SCMH1: variants seen among roughly 807,000 people sequenced by gnomAD.
SCMH1 encodes the protein Scm polycomb group protein homolog 1.
In SCMH1, 37 loss-of-function variants were observed where a neutral mutation model predicts 70.8. That is an observed-to-expected ratio of 0.52 (90% CI 0.40 to 0.69). SCMH1 has a LOEUF of 0.69. Ranked by LOEUF, SCMH1 falls within the 30% of genes least tolerant of loss-of-function variation. The pLI, the probability that SCMH1 is intolerant of heterozygous loss-of-function variation, is 0.00. For synonymous variants in SCMH1, 292 were observed against 307.4 expected (o/e 0.95, Z 0.52); for missense variants, 607 against 827.3 (o/e 0.73, Z 3.27).
At chr1:41,080,608 G>A (rs183511244) in intron 8 of SCMH1, among the ~76,000 whole-genome samples, 138 of 152,050 alleles carry the variant, frequency 9.1e-4, no homozygotes, top group African/African-American at 3.2e-3. Flanking sequence ...GAAATACAAA[G>A]GTTAACAATG....
At chr1:41,147,356 C>G (rs1644678257) in intron 5 of SCMH1, among the ~76,000 whole-genome samples, 1 of 152,170 alleles carries the variant, frequency 6.6e-6, no homozygotes, top group Non-Finnish European at 1.5e-5. Context: ...TTTAGTCTTT[C>G]ACCATTAAGT....
intron 1 of SCMH1, among the ~76,000 whole-genome samples, chr1:41,239,173 C>T (rs1011424775): frequency 2.0e-5 from 3 of 152,184 alleles, no homozygotes; most frequent in African/African-American, 4.8e-5. Flanking sequence ...AGGTCCACCA[C>T]GACATGGCCT....
intron 2 of SCMH1, among the ~76,000 whole-genome samples, chr1:41,164,722 G>GT (rs1424633192): frequency 1.3e-5 from 2 of 151,988 alleles, no homozygotes; most frequent in Non-Finnish European, 2.9e-5. Flanking sequence ...AACCTTGCAA[G>GT]TATCCCCTTT....
intron 4 of SCMH1, among the ~76,000 whole-genome samples, chr1:41,154,548 C>T (rs1332222973): frequency 6.6e-6 from 1 of 152,158 alleles, no homozygotes; most frequent in Non-Finnish European, 1.5e-5. Flanking sequence ...CAAGGTAAGA[C>T]ATGATTTCTC....
intron 1 of SCMH1, among the ~76,000 whole-genome samples, chr1:41,195,986 T>A (rs1227870733): frequency 6.6e-6 from 1 of 151,946 alleles, no homozygotes; most frequent in Non-Finnish European, 1.5e-5. Context: ...GAATAAAATA[T>A]TTAGGAATAA....
chr1:41,077,970 C>G (rs899681632), intron 8 of SCMH1, among the ~76,000 whole-genome samples: 1 of 151,916 alleles, frequency 6.6e-6, no homozygotes, highest in Admixed American at 6.6e-5. Context: ...AACAAACAAA[C>G]AGATTTTTTA....
rs1292248331 is a variant in SCMH1 at position 41,217,592 on chromosome 1, A to G, written c.-118+24467T>C. On this transcript the variant is annotated intron_variant, in intron 1 of 14. Transcript: ENST00000337495. The stretch of plus-strand genomic sequence containing the variant: ...TATGTAGCAAAGATATGTGGAGAAC[A>G]TTCTTGTTAGATGGATTGGACCTGC... Among the ~76,000 whole-genome samples the G allele has an allele frequency of 3.3e-5, 5 of 152,360 alleles. No individual in the cohort carries two copies. The East Asian group carries it at 9.6e-4, about 29-fold the overall frequency.
At chr1:41,205,913 G>A (rs1293916895) in intron 1 of SCMH1, among the ~76,000 whole-genome samples, 3 of 152,328 alleles carry the variant, frequency 2.0e-5, no homozygotes, top group East Asian at 1.9e-4. Context: ...AAGGTCTGGA[G>A]TGGACCTCCA....
chr1:41,073,218 C>T (rs546201403), intron 9 of SCMH1, among the ~76,000 whole-genome samples: 8 of 152,284 alleles, frequency 5.3e-5, no homozygotes, highest in Admixed American at 3.9e-4. Flanking sequence ...TGATGAAACA[C>T]CTCTAGTTAT....
chr1:41,167,334 CTTG>C (rs1023605229), intron 2 of SCMH1, among the ~76,000 whole-genome samples: 16 of 152,012 alleles, frequency 1.1e-4, no homozygotes, highest in Non-Finnish European at 2.9e-5. Flanking sequence ...GTCTTCTTCT[CTTG>C]TTGTATCTTT....
In SCMH1 at chr1:41,058,378, G is replaced by GTTT. The variant is rs548733204; in HGVS notation, c.1106-9491_1106-9489dup. Among the ~76,000 whole-genome samples, 664 of 81,560 alleles carry GTTT rather than the reference G, an allele frequency of 8.1e-3. 135 individuals carry two copies. The highest frequency in any genetic ancestry group is 0.015 in the African/African-American group (304 of 19,752). 53.5% of individuals were successfully genotyped at this position (81,560 alleles called of 152,430 possible). ...TTAGTATTTATACATTTTCTTTCTT[G>GTTT]TTTTTTTTTTTTTTTTTTTTTTGAG... On this transcript the variant is annotated intron_variant, in intron 10 of 14. Coordinates refer to ENST00000337495, the Ensembl canonical transcript of SCMH1.
intron 8 of SCMH1, among the ~76,000 whole-genome samples, chr1:41,089,827 T>C (rs1385104289): frequency 1.7e-5 from 2 of 116,128 alleles, no homozygotes; most frequent in Non-Finnish European, 3.4e-5. Context: ...AGTCTTGCTC[T>C]GTTGCCCAGG....
At chr1:41,027,533 A>G (rs971016442) in exon 15 of SCMH1, 1 of 152,218 alleles carries the variant, frequency 6.6e-6, no homozygotes, top group African/African-American at 2.4e-5. Flanking sequence ...TCCTCCCCAT[A>G]TGGAGTGATG....
Position 41,235,569 on chromosome 1 carries a change from T to TAA in SCMH1, c.-118+6488_-118+6489dup, listed in dbSNP as rs61093555. Among the ~76,000 whole-genome samples the TAA allele has an allele frequency of 1.9e-4, 8 of 43,106 alleles. 1 individual carries two copies. The highest frequency in any genetic ancestry group is 2.4e-4 in the Non-Finnish European group (4 of 16,462). 28.3% of individuals were successfully genotyped at this position (43,106 alleles called of 152,430 possible). The stretch of plus-strand genomic sequence containing the variant: ...CTGGGAGTCAGAATGAGACTCCGTC[T>TAA]AAAAAAAAAAAAAAAAAAAAAAAAA... On this transcript the variant is annotated intron_variant, in intron 1 of 14. Transcript: ENST00000337495.
chr1:41,117,036 A>G (rs1210329468), intron 6 of SCMH1, 26 bp from the exon 7 acceptor site: 11 of 1,583,342 alleles, frequency 6.9e-6, no homozygotes, highest in Non-Finnish European at 5.2e-6. Flanking sequence ...TGGGCAACAG[A>G]TTAAAAGTAT....
intron 8 of SCMH1, among the ~76,000 whole-genome samples, chr1:41,083,821 G>A (rs903404502): frequency 1.3e-4 from 19 of 149,342 alleles, no homozygotes; most frequent in South Asian, 2.1e-4. Context: ...AAATAACACC[G>A]CATATCTACA....
intron 1 of SCMH1, among the ~76,000 whole-genome samples, chr1:41,233,811 T>TGG (rs747162286): frequency 6.6e-6 from 1 of 152,198 alleles, no homozygotes; most frequent in Non-Finnish European, 1.5e-5. Context: ...TTTCTCCTGA[T>TGG]TATGCTTATG....
At chr1:41,149,192 G>T (rs1644851082) in intron 5 of SCMH1, among the ~76,000 whole-genome samples, 1 of 151,958 alleles carries the variant, frequency 6.6e-6, no homozygotes, top group Non-Finnish European at 1.5e-5. Context: ...ACGTCTATTT[G>T]GTCACCTGAA....
rs537325759 is a variant in SCMH1, at chr1:41,200,354, C to T, written c.-117-14104G>A. Among the ~76,000 whole-genome samples, 5 of 152,114 alleles carry T rather than the reference C, an allele frequency of 3.3e-5. No homozygotes were observed. In the South Asian group the frequency reaches 1.0e-3, roughly 32 times the overall value. On this transcript the variant is annotated intron_variant, in intron 1 of 14. Transcript: ENST00000337495. ...CATTAGCTGGGTGTGGTGGTAGGCACCTGTAGTCCCAGCTACGCAGGAGGC... is the reference window on the plus strand; with the variant it reads ...CATTAGCTGGGTGTGGTGGTAGGCATCTGTAGTCCCAGCTACGCAGGAGGC...
Sources: gnomAD v4.1 joint callset for allele counts (sites outside exome capture counted in the v4.1 genomes callset) on GRCh38, gnomAD v4.1.1 for gene constraint, MANE v1.5 for transcripts, NCBI Gene and HGNC (gene_info 2026-07-23, HGNC 2026-07-21) for gene names.